The following MYO10 variants were observed in gnomAD, a reference collection of about 807,000 sequenced individuals.
MYO10 encodes the protein myosin X, also known as unconventional myosin-X.
In MYO10, 133 loss-of-function variants were observed where a neutral mutation model predicts 257.3. The observed-to-expected ratio is 0.52, with a 90% CI of 0.45 to 0.60. MYO10 has a LOEUF of 0.60. Among genes scored for constraint, MYO10 ranks in the 20% least tolerant of loss-of-function variants. The pLI, the probability that MYO10 is intolerant of heterozygous loss-of-function variation, is 0.00. For missense variants in MYO10, 2,399 were observed against 2,635.7 expected (o/e 0.91, Z 1.97); for synonymous variants, 1,104 against 1,028.6 (o/e 1.07, Z -1.40).
intron 9 of MYO10, among the ~76,000 whole-genome samples, chr5:16,769,983 G>C (rs984711715): frequency 6.6e-6 from 1 of 151,866 alleles, no homozygotes; most frequent in African/African-American, 2.4e-5. Flanking sequence ...GGCCAGGCTG[G>C]TCTCAAACTC....
At chr5:16,774,325 T>C (rs761968565) in intron 9 of MYO10, among the ~76,000 whole-genome samples, 3 of 152,216 alleles carry the variant, frequency 2.0e-5, no homozygotes, top group Non-Finnish European at 4.4e-5. Flanking sequence ...AAATGGTGTG[T>C]CTGAAAGGGT....
At chr5:16,883,097 AG>A (rs1236572847) in intron 1 of MYO10, among the ~76,000 whole-genome samples, 1 of 151,808 alleles carries the variant, frequency 6.6e-6, no homozygotes, top group East Asian at 1.9e-4. Context: ...TTGTATTTTT[AG>A]TAGAGACGAG....
At chr5:16,902,592 T>C in intron 1 of MYO10, 1 of 1,574,390 alleles carries the variant, frequency 6.4e-7, no homozygotes, top group Non-Finnish European at 8.6e-7. Context: ...AGGCTGCACG[T>C]GGCCGCGGCC....
intron 2 of MYO10, among the ~76,000 whole-genome samples, chr5:16,872,179 G>A (rs1025368941): frequency 1.3e-5 from 2 of 152,218 alleles, no homozygotes; most frequent in African/African-American, 2.4e-5. Flanking sequence ...GGCACCCAGA[G>A]ACTGGTAGAG....
intron 19 of MYO10, among the ~76,000 whole-genome samples, chr5:16,715,322 T>A (rs1466956000): frequency 1.3e-5 from 2 of 151,540 alleles, no homozygotes; most frequent in Non-Finnish European, 2.9e-5. Context: ...ATAAATGTAG[T>A]CATGTACCAC....
At chr5:16,818,200 T>C in intron 2 of MYO10, 33 bp from the exon 3 acceptor site, 1 of 1,426,278 alleles carries the variant, frequency 7.0e-7, no homozygotes, top group South Asian at 1.6e-5. Context: ...ATTATTTCAT[T>C]ATCAGCAGTA....
At chr5:16,769,495 T>C (rs1232960316) in intron 9 of MYO10, among the ~76,000 whole-genome samples, 1 of 152,100 alleles carries the variant, frequency 6.6e-6, no homozygotes, top group African/African-American at 2.4e-5. Context: ...CCACCATGCC[T>C]AGCTAATTTT....
At chr5:16,841,740 C>T (rs1416485496) in intron 2 of MYO10, among the ~76,000 whole-genome samples, 2 of 152,160 alleles carry the variant, frequency 1.3e-5, no homozygotes, top group African/African-American at 4.8e-5. Flanking sequence ...TGGAAGCTGA[C>T]TTGTTTGCCA....
At chr5:16,853,662 G>A (rs1446044730) in intron 2 of MYO10, among the ~76,000 whole-genome samples, 1 of 152,126 alleles carries the variant, frequency 6.6e-6, no homozygotes, top group Non-Finnish European at 1.5e-5. Flanking sequence ...ATTGTCAAAG[G>A]CTGTCACCCC....
chr5:16,837,315 GA>G (rs201720772), intron 2 of MYO10, among the ~76,000 whole-genome samples: 1 of 149,688 alleles, frequency 6.7e-6, no homozygotes, highest in East Asian at 2.0e-4. Flanking sequence ...CGTCTCAAAA[GA>G]AAAAAAAACA....
chr5:16,873,930 G>A (rs1744518619), intron 2 of MYO10, among the ~76,000 whole-genome samples: 2 of 152,152 alleles, frequency 1.3e-5, no homozygotes, highest in Non-Finnish European at 2.9e-5. Flanking sequence ...GGGCTGCCGT[G>A]AAGGTCTCTG....
At chr5:16,780,665 A>AC in intron 7 of MYO10, 57 bp from the exon 8 acceptor site, 1 of 1,547,658 alleles carries the variant, frequency 6.5e-7, no homozygotes, top group Non-Finnish European at 8.8e-7. Context: ...AATTCACACA[A>AC]ACCAATAATT....
chr5:16,759,548 C>T (rs16869108), intron 17 of MYO10, among the ~76,000 whole-genome samples: 3 of 152,024 alleles, frequency 2.0e-5, no homozygotes, highest in Admixed American at 6.6e-5. Context: ...AGCCCCAGCT[C>T]CTCGGTTTGC....
At chr5:16,761,854 T>C (rs1324209333) in intron 16 of MYO10, among the ~76,000 whole-genome samples, 191 bp downstream of exon 16, 2 of 151,966 alleles carry the variant, frequency 1.3e-5, no homozygotes, top group African/African-American at 2.4e-5. Context: ...TTTATATCTA[T>C]GTTGCCCAGG....
intron 1 of MYO10, among the ~76,000 whole-genome samples, chr5:16,903,965 C>T (rs192162192): frequency 6.6e-5 from 10 of 152,268 alleles, no homozygotes; most frequent in Admixed American, 2.6e-4. Flanking sequence ...ACTCTAAGAT[C>T]CTTGCAATCT....
chr5:16,735,685 G>GAAA (rs767237097), intron 19 of MYO10, among the ~76,000 whole-genome samples: 4 of 99,490 alleles, frequency 4.0e-5, no homozygotes, highest in African/African-American at 7.1e-5. Context: ...AGAGCCTCGG[G>GAAA]AAAAAAAAAA....
At chr5:16,924,931 C>T (rs537973047) in intron 1 of MYO10, among the ~76,000 whole-genome samples, 82 of 150,818 alleles carry the variant, frequency 5.4e-4, no homozygotes, top group African/African-American at 1.8e-3. Context: ...CCCAGGTTCA[C>T]GCCATTCTCC....
chr5:16,738,246 G>A (rs1383709407), intron 19 of MYO10: 3 of 985,412 alleles, frequency 3.0e-6, no homozygotes, highest in Non-Finnish European at 3.6e-6. Flanking sequence ...CAGTCAAGAG[G>A]AGGAGGGGTG....
intron 18 of MYO10, among the ~76,000 whole-genome samples, chr5:16,757,563 A>C (rs143657866): frequency 1.3e-5 from 2 of 152,162 alleles, no homozygotes; most frequent in Non-Finnish European, 2.9e-5. Flanking sequence ...GGCCTTAAGG[A>C]GTTTGCTATT....
Sources: allele counts gnomAD v4.1 joint callset (sites outside exome capture counted in the v4.1 genomes callset), GRCh38; gene constraint gnomAD v4.1.1; transcripts MANE v1.5; gene names NCBI Gene and HGNC (gene_info 2026-07-23, HGNC 2026-07-21).